DRGX: variants seen among roughly 807,000 people sequenced by gnomAD.
The protein encoded by DRGX is dorsal root ganglia homeobox protein.
A neutral mutation model predicts 28.6 loss-of-function variants in DRGX; 21 were observed. The observed-to-expected ratio is 0.73, with a 90% confidence interval of 0.52 to 1.06. DRGX has a LOEUF of 1.06. Among genes scored for constraint, DRGX ranks in the 50% least tolerant of loss-of-function variants. The pLI, the probability that DRGX is intolerant of heterozygous loss-of-function variation, is 0.00. For missense variants in DRGX, 354 were observed against 343.9 expected, an observed-to-expected ratio of 1.03 and a Z score of -0.23; for synonymous variants, 136 against 139.1, an observed-to-expected ratio of 0.98 and a Z score of 0.16.
intron 3 of DRGX, among the ~76,000 whole-genome samples, 181 bp from the exon 4 acceptor site, chr10:49,390,415 A>T (rs920854302): frequency 6.6e-6 from 1 of 152,194 alleles, no homozygotes; most frequent in Non-Finnish European, 1.5e-5. Context: ...ACCGCGGATG[A>T]CTTAGGAGCT....
At chr10:49,387,979 T>C (rs1849858907) in intron 4 of DRGX, among the ~76,000 whole-genome samples, 3 of 152,192 alleles carry the variant, frequency 2.0e-5, no homozygotes, top group Non-Finnish European at 2.9e-5. Context: ...TTAGGAAGAT[T>C]GGCATGTCTG....
At chr10:49,368,968 G>T (rs964233450) in intron 6 of DRGX, among the ~76,000 whole-genome samples, 1 of 152,204 alleles carries the variant, frequency 6.6e-6, no homozygotes, top group Admixed American at 6.5e-5. Flanking sequence ...AGCTGGCCCT[G>T]GGTCAGGCCA....
rs1236476618 is a variant in DRGX at position 49,383,785 on chromosome 10, G to C, written c.526+2693C>G. Among the ~76,000 whole-genome samples, 4 of 152,236 alleles carry C rather than the reference G, an allele frequency of 2.6e-5. No individual in the cohort carries two copies. In the East Asian group the frequency reaches 7.7e-4, roughly 29 times the overall value. ...GTCAGCAGCCTGCAGCCCCAGAAGA[G>C]AGCCCTCACTAGAACCCAACCCTGC... is the stretch of plus-strand genomic sequence containing the variant. On this transcript the variant is annotated intron_variant, in intron 6 of 6. Transcript: ENST00000374139.
At chr10:49,389,908 G>A (rs536118743) in intron 4 of DRGX, among the ~76,000 whole-genome samples, 8 of 151,130 alleles carry the variant, frequency 5.3e-5, no homozygotes, top group Admixed American at 4.0e-4. Context: ...TTAGAGACGC[G>A]GACAAATTAG....
chr10:49,365,794 G>C lies in DRGX; in HGVS notation c.*322C>G. On this transcript the variant is annotated 3_prime_UTR_variant, in exon 7 of 7. Transcript: ENST00000374139. ...CCAGGGAGGAAATAGGAAGGGAGACGGATGAGGAATCTACCTCCCTCCGAG... is the reference window on the plus strand; with the variant it reads ...CCAGGGAGGAAATAGGAAGGGAGACCGATGAGGAATCTACCTCCCTCCGAG... The C allele has an allele frequency of 4.0e-6, 1 of 248,926 alleles. No individual in the cohort carries two copies. Among genetic ancestry groups the C allele is most frequent in the Non-Finnish European group, 7.6e-6 (1 of 132,020 alleles). The allele number at this position is 248,926 out of a possible 1,614,324, so 15.4% of individuals were successfully genotyped here. A position where few individuals can be genotyped will look rare whatever the true frequency, so the allele number is the denominator to read the frequency against.
intron 6 of DRGX, among the ~76,000 whole-genome samples, chr10:49,367,554 C>T (rs1232633271): frequency 6.6e-6 from 1 of 152,210 alleles, no homozygotes; most frequent in Non-Finnish European, 1.5e-5. Flanking sequence ...CCACAGGTGT[C>T]ATGAACTGAG....
intron 6 of DRGX, among the ~76,000 whole-genome samples, chr10:49,369,928 C>T (rs950385397): frequency 2.2e-4 from 34 of 152,072 alleles, no homozygotes; most frequent in African/African-American, 7.2e-4. Flanking sequence ...ACTCACCCAG[C>T]CACACCCAGT....
chr10:49,390,815 G>A (rs540540467), intron 3 of DRGX, among the ~76,000 whole-genome samples: 2 of 132,838 alleles, frequency 1.5e-5, no homozygotes, highest in East Asian at 4.0e-4. Context: ...CCAGGGATCC[G>A]GTTTTTCATC....
At chr10:49,373,754 G>A (rs990810861) in intron 6 of DRGX, among the ~76,000 whole-genome samples, 13 of 152,010 alleles carry the variant, frequency 8.6e-5, no homozygotes, top group Non-Finnish European at 7.4e-5. Context: ...CCGGGTTTAC[G>A]GTATTTAGTT....
At chr10:49,395,265 T>A (rs567447709) in intron 2 of DRGX, 142 bp downstream of exon 2, 2 of 992,176 alleles carry the variant, frequency 2.0e-6, no homozygotes, top group Admixed American at 2.3e-5. Context: ...TAGGGAGGGG[T>A]CCAGGGAGGC....
chr10:49,392,091 A>G (rs1188852068), intron 2 of DRGX, among the ~76,000 whole-genome samples: 1 of 152,250 alleles, frequency 6.6e-6, no homozygotes, highest in Non-Finnish European at 1.5e-5. Flanking sequence ...CCAAATGTGC[A>G]TTCAGATCAT....
intron 1 of DRGX, 43 bp from the exon 2 acceptor site, chr10:49,395,564 A>G: frequency 8.1e-7 from 1 of 1,231,820 alleles, no homozygotes. Context: ...TCCCTCTGCC[A>G]GCGCTCCCGC....
At chr10:49,390,363 G>T (rs1188657169) in intron 3 of DRGX, 129 bp from the exon 4 acceptor site, 2 of 774,596 alleles carry the variant, frequency 2.6e-6, no homozygotes, top group Non-Finnish European at 2.0e-6. Flanking sequence ...AGGACAGGGA[G>T]AAGAGAGCTC....
At chr10:49,384,247 A>C (rs1849807491) in intron 6 of DRGX, among the ~76,000 whole-genome samples, 1 of 152,214 alleles carries the variant, frequency 6.6e-6, no homozygotes, top group Admixed American at 6.5e-5. Flanking sequence ...CTGGGGGAAA[A>C]AAGACAACAC....
At chr10:49,372,945 C>A (rs2132471849) in intron 6 of DRGX, among the ~76,000 whole-genome samples, 1 of 152,288 alleles carries the variant, frequency 6.6e-6, no homozygotes, top group East Asian at 1.9e-4. Flanking sequence ...ACATGGGACT[C>A]TAGAAGGGAG....
At chr10:49,385,657 A>G (rs1456679529) in intron 6 of DRGX, among the ~76,000 whole-genome samples, 3 of 152,082 alleles carry the variant, frequency 2.0e-5, no homozygotes, top group African/African-American at 7.2e-5. Flanking sequence ...GCGTTAGCAG[A>G]ACATGCAGGG....
intron 6 of DRGX, among the ~76,000 whole-genome samples, chr10:49,376,728 G>T (rs1849721359): frequency 1.3e-5 from 2 of 152,288 alleles, no homozygotes; most frequent in South Asian, 4.1e-4. Context: ...TGTCAAGAAG[G>T]ACGCAGCATT....
Position 49,377,307 on chromosome 10 carries a change from A to G in DRGX, c.526+9171T>C, listed in dbSNP as rs1043163497. ...TGGATGTGAATAGTGCCCTTAAAGT[A>G]TAAATAGTCCCAACTGGAAGTACGG... On this transcript the variant is annotated intron_variant, in intron 6 of 6. Transcript: ENST00000374139. 6.6e-5 allele frequency among the ~76,000 whole-genome samples: 10 copies of G among 152,364 alleles called. No homozygotes were observed. The South Asian group carries it at 1.9e-3, about 28-fold the overall frequency.
chr10:49,368,700 G>A (rs1849624701), intron 6 of DRGX, among the ~76,000 whole-genome samples: 1 of 152,258 alleles, frequency 6.6e-6, no homozygotes, highest in Non-Finnish European at 1.5e-5. Flanking sequence ...AAGACACCAA[G>A]TTATTAAGAA....
Sources: gnomAD v4.1 joint callset for allele counts (sites outside exome capture counted in the v4.1 genomes callset) on GRCh38, gnomAD v4.1.1 for gene constraint, MANE v1.5 for transcripts, NCBI Gene and HGNC (gene_info 2026-07-23, HGNC 2026-07-21) for gene names.